Variants in THUMPD2 observed in about 807,000 individuals in gnomAD.
THUMPD2 encodes the protein U6 snRNA (guanine-N(2))-methyltransferase THUMPD2.
THUMPD2 carries 56 observed loss-of-function variants against 49.4 expected under a neutral mutation model. The ratio of observed to expected loss-of-function variants is 1.13; its 90% CI spans 0.91 to 1.41. The LOEUF (loss-of-function observed/expected upper bound fraction) is 1.41. Among genes scored for constraint, THUMPD2 ranks in the 40% most tolerant of loss-of-function variants. The probability of loss-of-function intolerance (pLI) is 0.00; values close to 1 mark genes in which losing one functional copy is unlikely to be tolerated. For missense variants in THUMPD2, 709 were observed against 594.5 expected (o/e 1.19, Z -2.00); for synonymous variants, 237 against 205.2 (o/e 1.15, Z -1.32).
chr2:39,764,545 T>C (rs1558524710), intron 5 of THUMPD2, among the ~76,000 whole-genome samples: 1 of 152,246 alleles, frequency 6.6e-6, no homozygotes, highest in South Asian at 2.1e-4. Context: ...AACTCAAATA[T>C]GAACAATGTC....
At chr2:39,759,791 G>T (rs1440453487) in intron 6 of THUMPD2, among the ~76,000 whole-genome samples, 1 of 152,174 alleles carries the variant, frequency 6.6e-6, no homozygotes, top group African/African-American at 2.4e-5. Context: ...TGCAATTCAG[G>T]AATCCTATAC....
rs147121197 is a variant in THUMPD2, at chr2:39,745,343, C to T, written c.1079-865G>A. Among the ~76,000 whole-genome samples, 4 of 152,200 alleles carry T rather than the reference C, an allele frequency of 2.6e-5. No homozygotes were observed. The East Asian group carries it at 7.7e-4, about 29-fold the overall frequency. Reference sequence around the variant, plus strand: ...TCTCGGAAAGTCTAATGACTACTTGCTAGATCTCTCCTAGTTCTAACCCTT... The same window carrying T: ...TCTCGGAAAGTCTAATGACTACTTGTTAGATCTCTCCTAGTTCTAACCCTT... On this transcript the variant is annotated intron_variant, in intron 8 of 9. Coordinates refer to ENST00000505747, the MANE Select transcript of THUMPD2 (RefSeq NM_025264.5).
intron 3 of THUMPD2, 138 bp from the exon 4 acceptor site, chr2:39,768,639 T>C (rs1186445775): frequency 2.7e-5 from 21 of 782,480 alleles, no homozygotes; most frequent in East Asian, 2.4e-4. Context: ...GATATTAAAA[T>C]TGTACATGAA....
At position 39,761,384 on chromosome 2, in the gene THUMPD2, C is replaced by T; in HGVS notation, c.838G>A (p.Ala280Thr). Residue 280 changes from alanine to threonine, a missense_variant, in exon 6 of 10, where the codon GCT becomes ACT. Ala to Thr is a moderately conservative substitution (Grantham distance 58). Coordinates refer to ENST00000505747, the MANE Select transcript of THUMPD2 (RefSeq NM_025264.5). ...SLASRAYIKT[A>T]GLRSTIAWAM... ...CACGCTATTGTAGATCGCAGTCCAG[C>T]TGTCTTGATGTAAGCTCTGCTGGCT... 6.2e-7 allele frequency: 1 copy of T among 1,613,774 alleles called. No homozygotes were observed. The highest frequency in any genetic ancestry group is 8.5e-7 in the Non-Finnish European group (1 of 1,179,766).
intron 1 of THUMPD2, 74 bp downstream of exon 1, chr2:39,779,040 T>C: frequency 1.5e-6 from 2 of 1,361,834 alleles, no homozygotes; most frequent in East Asian, 3.1e-5. Context: ...CTTTCCCGCG[T>C]CCACGACTGG....
chr2:39,746,724 A>C (rs745829665), intron 8 of THUMPD2, among the ~76,000 whole-genome samples: 5 of 152,208 alleles, frequency 3.3e-5, no homozygotes, highest in Non-Finnish European at 5.9e-5. Context: ...ATGGGTAAAA[A>C]TTTCCTAAAA....
chr2:39,755,380 G>C lies in THUMPD2; in HGVS notation c.993C>G (p.Ser331Arg). The C allele has an allele frequency of 6.4e-7, 1 of 1,559,054 alleles. No homozygotes were observed. Among genetic ancestry groups the C allele is most frequent in the Non-Finnish European group, 8.6e-7 (1 of 1,161,248 alleles). ...CCCAAGTACCTAGTAACTGTGAGTC[G>C]CTGACATCAGCACCTACATAATACA... is the stretch of plus-strand genomic sequence containing the variant. ...PDVYYVGADVSDSQLLGTWDN... is the reference protein window; with the variant it reads ...PDVYYVGADVRDSQLLGTWDN... The change falls in exon 8 of 10, where the codon AGC becomes AGG. Residue 331 changes from serine to arginine, a missense_variant. Transcript: ENST00000505747.
At chr2:39,771,923 T>C (rs1217077791) in intron 1 of THUMPD2, among the ~76,000 whole-genome samples, 1 of 152,202 alleles carries the variant, frequency 6.6e-6, no homozygotes, top group South Asian at 2.1e-4. Flanking sequence ...ATTGAAGACC[T>C]ACCTGTAGGC....
Position 39,744,491 on chromosome 2 carries a change from A to C in THUMPD2, c.1079-13T>G, listed in dbSNP as rs550446469. 55 of 1,498,598 alleles carry C rather than the reference A, an allele frequency of 3.7e-5. No homozygotes were observed. Among genetic ancestry groups the C allele is most frequent in the East Asian group, 3.6e-4 (15 of 41,394 alleles). The allele number at this position is 1,498,598 out of a possible 1,614,324, so 92.8% of individuals were successfully genotyped here. ...GGCAATGGCAATTCTGAAATATAGAAATCAGAGAATCCTATTACAGTAGGG... is the reference window on the plus strand; with the variant it reads ...GGCAATGGCAATTCTGAAATATAGACATCAGAGAATCCTATTACAGTAGGG... On this transcript the variant is annotated splice_polypyrimidine_tract_variant and intron_variant, in intron 8 of 9. Coordinates refer to ENST00000505747, the MANE Select transcript of THUMPD2 (RefSeq NM_025264.5).
chr2:39,748,582 G>T (rs986694914), intron 8 of THUMPD2, among the ~76,000 whole-genome samples: 9 of 152,122 alleles, frequency 5.9e-5, no homozygotes, highest in African/African-American at 2.2e-4. Flanking sequence ...CAGCTACTCA[G>T]GAGGCTGAAG....
At chr2:39,739,702 C>A (rs377282178) in intron 9 of THUMPD2, among the ~76,000 whole-genome samples, 1 of 152,042 alleles carries the variant, frequency 6.6e-6, no homozygotes, top group African/African-American at 2.4e-5. Flanking sequence ...TGGAAAGAAC[C>A]GGCAGATGAG....
intron 8 of THUMPD2, among the ~76,000 whole-genome samples, chr2:39,744,888 G>GA (rs1674363755): frequency 6.6e-6 from 1 of 152,140 alleles, no homozygotes; most frequent in East Asian, 1.9e-4. Flanking sequence ...TTTTGAGGGA[G>GA]AGGATCCATA....
At chr2:39,756,876 T>C (rs1264162659) in intron 6 of THUMPD2, among the ~76,000 whole-genome samples, 1 of 151,520 alleles carries the variant, frequency 6.6e-6, no homozygotes, top group African/African-American at 2.4e-5. Context: ...GAGTATAATA[T>C]TTCCATGACA....
chr2:39,741,660 T>C (rs1465164165), intron 9 of THUMPD2, among the ~76,000 whole-genome samples: 1 of 152,204 alleles, frequency 6.6e-6, no homozygotes, highest in Non-Finnish European at 1.5e-5. Flanking sequence ...TGAGAATGCA[T>C]AGCTCATGCC....
At chr2:39,755,528 C>A in intron 7 of THUMPD2, 119 bp from the exon 8 acceptor site, 1 of 670,224 alleles carries the variant, frequency 1.5e-6, no homozygotes, top group Non-Finnish European at 2.4e-6. Flanking sequence ...AAATTCAGGT[C>A]AAAACACATT....
Position 39,771,567 on chromosome 2 carries a change from G to T in THUMPD2, c.200C>A (p.Ala67Glu). The change falls in exon 2 of 10, where the codon GCA (alanine) becomes GAA (glutamate). Residue 67 changes from alanine to glutamate, a missense_variant. By Grantham distance (107) the Ala-to-Glu change is moderately radical. Transcript: ENST00000505747. The part of the protein sequence containing the change: ...DLNMLKKLKS[A>E]ERLFLLIKKQ... Reference sequence around the variant, plus strand: ...TTTAATCAGCAAAAATAATCTTTCTGCAGATTTTAATTTCTTCAACATATT... The same window carrying T: ...TTTAATCAGCAAAAATAATCTTTCTTCAGATTTTAATTTCTTCAACATATT... 5 of 1,606,700 alleles carry T rather than the reference G, an allele frequency of 3.1e-6. No individual in the cohort carries two copies. Among genetic ancestry groups the T allele is most frequent in the Non-Finnish European group, 4.2e-6 (5 of 1,177,778 alleles).
At chr2:39,772,640 C>T (rs1024635387) in intron 1 of THUMPD2, among the ~76,000 whole-genome samples, 3 of 152,132 alleles carry the variant, frequency 2.0e-5, no homozygotes, top group African/African-American at 7.2e-5. Context: ...GTGCTCAATA[C>T]CAGTGGAATC....
chr2:39,737,338 A>T (rs1673229983), intron 9 of THUMPD2, among the ~76,000 whole-genome samples: 2 of 152,212 alleles, frequency 1.3e-5, no homozygotes, highest in African/African-American at 4.8e-5. Context: ...GTATAAAGGA[A>T]AAGGCAAATG....
rs201162909 is a variant in THUMPD2 at position 39,766,058 on chromosome 2, T to A, written c.802A>T (p.Arg268Trp). ...AAACCGGAAGCTTAGAATATCTACC[T>A]GAACACAGGAATCCCCACCACAGAG... ...IYSVVGIPVF[R>W]VSLASRAYIK... is the part of the protein sequence containing the mutation. Residue 268 changes from arginine to tryptophan, a missense_variant and splice_region_variant, in exon 5 of 10, where the codon AGG (arginine) becomes TGG (tryptophan). Coordinates refer to ENST00000505747, the MANE Select transcript of THUMPD2 (RefSeq NM_025264.5). 6.3e-7 allele frequency: 1 copy of A among 1,581,054 alleles called. No homozygotes were observed. Among genetic ancestry groups the A allele is most frequent in the East Asian group, 2.4e-5 (1 of 42,380 alleles).
Sources: allele counts gnomAD v4.1 joint callset (sites outside exome capture counted in the v4.1 genomes callset), GRCh38; gene constraint gnomAD v4.1.1; transcripts MANE v1.5; gene names NCBI Gene and HGNC (gene_info 2026-07-23, HGNC 2026-07-21).